The following HIVEP2 variants were observed in gnomAD, a reference collection of about 807,000 sequenced individuals.
HIVEP2 encodes the protein HIVEP zinc finger 2, also known as transcription factor HIVEP2.
A neutral mutation model predicts 180.7 loss-of-function variants in HIVEP2; 14 were observed. That is an observed-to-expected ratio of 0.08 (90% confidence interval 0.05 to 0.12). The LOEUF (loss-of-function observed/expected upper bound fraction) is 0.12, where lower values mean the gene tolerates loss of function less well. Among genes scored for constraint, HIVEP2 ranks in the 10% least tolerant of loss-of-function variants. HIVEP2 has a pLI of 1.00. For missense variants in HIVEP2, 2,579 were observed against 3,008.5 expected (o/e 0.86, Z 3.34); for synonymous variants, 1,184 against 1,136.4 (o/e 1.04, Z -0.84).
At chr6:142,884,483 A>T (rs1776649464) in intron 1 of HIVEP2, among the ~76,000 whole-genome samples, 1 of 152,180 alleles carries the variant, frequency 6.6e-6, no homozygotes, top group South Asian at 2.1e-4. Context: ...GAACAAAATA[A>T]TCGCTGAAAA....
chr6:142,779,311 A>G (rs531426835), intron 3 of HIVEP2, among the ~76,000 whole-genome samples: 41 of 152,234 alleles, frequency 2.7e-4, no homozygotes, highest in African/African-American at 9.6e-4. Context: ...CAGAATATAT[A>G]ATTTTGCTCA....
chr6:142,800,692 G>A (rs1776382784), intron 2 of HIVEP2, among the ~76,000 whole-genome samples: 1 of 152,100 alleles, frequency 6.6e-6, no homozygotes, highest in Admixed American at 6.6e-5. Flanking sequence ...AGGAGAATTT[G>A]AGAGGCTTAG....
At position 142,801,341 on chromosome 6, in the gene HIVEP2, G is replaced by A. The variant is rs373969531; in HGVS notation, c.-527-17726C>T. Among the ~76,000 whole-genome samples the A allele has an allele frequency of 4.0e-3, 602 of 151,034 alleles. 2 individuals carry two copies. Among genetic ancestry groups the A allele is most frequent in the Non-Finnish European group, 6.3e-3 (429 of 67,736 alleles). ...GAAGAATTGCTTGAACCCAGGAGGC[G>A]GAGGTTGCAGTGAGCTGAGATGAGA... On this transcript the variant is annotated intron_variant, in intron 2 of 9. Coordinates refer to ENST00000367603, the MANE Select transcript of HIVEP2 (RefSeq NM_006734.4).
chr6:142,770,577 C>T lies in HIVEP2; in HGVS notation c.4162G>A (p.Gly1388Arg), dbSNP rs760172682. The change falls in exon 5 of 10, where the codon GGA becomes AGA. Residue 1388 changes from glycine (G) to arginine (R), a missense_variant. Physicochemically the swap from Gly to Arg is moderately radical, Grantham distance 125. Transcript: ENST00000367603. This position sits in a 1 kb window ranked among gnomAD's most constrained non-coding sequence, Gnocchi z 4.7. ...LVTNAAMQGI[G>R]FNIAQVLGQH... ...CCCAGCACCTGGGCAATGTTGAATC[C>T]TATCCCTTGCATGGCTGCGTTGGTG... 1.9e-6 allele frequency: 3 copies of T among 1,614,228 alleles called. No individual in the cohort carries two copies. Among genetic ancestry groups the T allele is most frequent in the South Asian group, 1.1e-5 (1 of 91,078 alleles).
chr6:142,773,994 G>T lies in HIVEP2; in HGVS notation c.745C>A (p.Pro249Thr), dbSNP rs1390661023. The change falls in exon 5 of 10, where the codon CCT (proline) becomes ACT (threonine). Residue 249 changes from proline (P) to threonine (T), a missense_variant. By Grantham distance (38) the Pro-to-Thr change is conservative. This residue lies in a region of HIVEP2 where 142 missense variants were observed against 135.2 expected (regional missense o/e 1.05). Coordinates refer to ENST00000367603, the MANE Select transcript of HIVEP2 (RefSeq NM_006734.4). Reference sequence around the variant, plus strand: ...TTAGATACAGCTGACTCTGTGAAAGGTACTAATCCTGCCTTAATTGCATGG... The same window carrying T: ...TTAGATACAGCTGACTCTGTGAAAGTTACTAATCCTGCCTTAATTGCATGG... Reference protein sequence around the residue: ...HAHAIKAGLVPFTESAVSKLD... With the variant: ...HAHAIKAGLVTFTESAVSKLD... 6.2e-7 allele frequency: 1 copy of T among 1,614,222 alleles called. No homozygotes were observed. Among genetic ancestry groups the T allele is most frequent in the Admixed American group, 1.7e-5 (1 of 60,034 alleles).
At chr6:142,876,310 C>T (rs1776435863) in intron 1 of HIVEP2, among the ~76,000 whole-genome samples, 1 of 152,130 alleles carries the variant, frequency 6.6e-6, no homozygotes, top group African/African-American at 2.4e-5. Context: ...CAATTTAAAA[C>T]AGGTCTCTGG....
At chr6:142,931,992 G>T (rs1055077077) in intron 1 of HIVEP2, among the ~76,000 whole-genome samples, 1 of 152,098 alleles carries the variant, frequency 6.6e-6, no homozygotes, top group Non-Finnish European at 1.5e-5. Flanking sequence ...TCCCATATTG[G>T]TGTGTGTGCC....
At chr6:142,762,363 A>G (rs1775265313) in intron 7 of HIVEP2, among the ~76,000 whole-genome samples, 1 of 152,088 alleles carries the variant, frequency 6.6e-6, no homozygotes, top group African/African-American at 2.4e-5. Context: ...TATAAATTAT[A>G]TATATAATTT....
chr6:142,825,275 C>T (rs926916218), intron 2 of HIVEP2, among the ~76,000 whole-genome samples: 1 of 135,364 alleles, frequency 7.4e-6, no homozygotes, highest in South Asian at 2.4e-4. Context: ...CAGACACATA[C>T]TAAAGTCCAA....
chr6:142,758,735 T>G (rs149036153), intron 9 of HIVEP2, among the ~76,000 whole-genome samples: 114 of 152,352 alleles, frequency 7.5e-4, no homozygotes, highest in Admixed American at 2.3e-3. Context: ...ACTGCTTAAA[T>G]GTAATCCATG....
chr6:142,862,381 T>C (rs1285838252), intron 1 of HIVEP2, among the ~76,000 whole-genome samples: 3 of 149,672 alleles, frequency 2.0e-5, no homozygotes, highest in Non-Finnish European at 4.4e-5. Flanking sequence ...ATATAATCGA[T>C]TACATGTATT....
At chr6:142,922,137 C>T (rs1357721668) in intron 1 of HIVEP2, among the ~76,000 whole-genome samples, 1 of 152,150 alleles carries the variant, frequency 6.6e-6, no homozygotes, top group Non-Finnish European at 1.5e-5. Context: ...GTCCTTTAAA[C>T]TTCAGCCATA....
intron 1 of HIVEP2, among the ~76,000 whole-genome samples, chr6:142,916,681 T>C (rs1777556146): frequency 6.6e-6 from 1 of 152,108 alleles, no homozygotes; most frequent in Admixed American, 6.5e-5. Context: ...ATTATAAGAG[T>C]AGGAAAGAAG....
intron 6 of HIVEP2, among the ~76,000 whole-genome samples, chr6:142,766,618 T>A (rs975317607): frequency 1.3e-5 from 2 of 152,194 alleles, no homozygotes; most frequent in African/African-American, 4.8e-5. Context: ...TATAATTTTA[T>A]TTTCAATGTC....
Position 142,811,798 on chromosome 6 carries a change from G to A in HIVEP2, c.-528+25137C>T, listed in dbSNP as rs906833416. Among the ~76,000 whole-genome samples, 4 of 152,210 alleles carry A rather than the reference G, an allele frequency of 2.6e-5. No individual in the cohort carries two copies. The South Asian group carries it at 6.2e-4, about 24-fold the overall frequency. The stretch of plus-strand genomic sequence containing the variant: ...AGTGCCTTTAATTCTTCAAACTAAC[G>A]GATATCATATCAATGAGTAAATAAA... On this transcript the variant is annotated intron_variant, in intron 2 of 9. Coordinates refer to ENST00000367603, the MANE Select transcript of HIVEP2 (RefSeq NM_006734.4).
rs35448483 is a variant in HIVEP2 at position 142,771,955 on chromosome 6, G to C, written c.2784C>G (p.Ser928=). 2.1e-4 allele frequency: 344 copies of C among 1,614,160 alleles called. 2 individuals are homozygous for C. The African/African-American group carries it at 3.5e-3, about 17-fold the overall frequency. ...GTGGCAACTTCTCCGCGGGGAGCTG[G>C]GAAAGGGTCTCACTTCTCTGGGGCC... ...FQWPQRSETL[S]QLPAEKLPPK... is the part of the protein sequence containing the mutation. The change falls in exon 5 of 10, where the codon TCC becomes TCG. Residue 928 remains serine, a synonymous_variant. Transcript: ENST00000367603. This position sits in a 1 kb window ranked among gnomAD's most constrained non-coding sequence, Gnocchi z 5.4.
chr6:142,800,822 T>C (rs758573715), intron 2 of HIVEP2, among the ~76,000 whole-genome samples: 7 of 152,162 alleles, frequency 4.6e-5, no homozygotes, highest in Non-Finnish European at 1.0e-4. Context: ...TGTCTCTCCC[T>C]AGGCTAATCC....
rs1218400352 is a variant in HIVEP2 at position 142,774,553 on chromosome 6, T to A, written c.186A>T (p.Gln62His). 1 of 1,614,182 alleles carries A rather than the reference T, an allele frequency of 6.2e-7. No homozygotes were observed. Among genetic ancestry groups the A allele is most frequent in the South Asian group, 1.1e-5 (1 of 91,088 alleles). Residue 62 changes from glutamine (Q) to histidine (H), a missense_variant, in exon 5 of 10, where the codon CAA becomes CAT. Coordinates refer to ENST00000367603, the MANE Select transcript of HIVEP2 (RefSeq NM_006734.4). This position sits in a 1 kb window ranked among gnomAD's most constrained non-coding sequence, Gnocchi z 5.1. ...AGGCCAGTTTCCCAGAACCAAACAG[T>A]TGTGCTGATGCTGTGTTTCCGATTT... ...PEQIGNTASA[Q>H]LFGSGKLASP...
Position 142,770,314 on chromosome 6 carries a change from A to G in HIVEP2, c.4425T>C (p.Ala1475=). ...MYGQIVEELS[A]VELTNSDIKK... Reference sequence around the variant, plus strand: ...TGATGTCTGAGTTGGTCAGCTCCACAGCACTAAGCTCCTCCACAATCTGTC... The same window carrying G: ...TGATGTCTGAGTTGGTCAGCTCCACGGCACTAAGCTCCTCCACAATCTGTC... Residue 1475 remains alanine, a synonymous_variant, in exon 5 of 10, where the codon GCT becomes GCC. Transcript: ENST00000367603. The surrounding 1 kb of genome is among the most constrained non-coding windows in gnomAD (Gnocchi z 4.7). 1 of 1,614,182 alleles carries G rather than the reference A, an allele frequency of 6.2e-7. No individual in the cohort carries two copies. Among genetic ancestry groups the G allele is most frequent in the Non-Finnish European group, 8.5e-7 (1 of 1,180,040 alleles).
Sources: gnomAD v4.1 joint callset for allele counts (sites outside exome capture counted in the v4.1 genomes callset) on GRCh38, gnomAD v4.1.1 for gene constraint, gnomAD v4.1.1 regional missense constraint, Gnocchi (gnomAD v3.1) non-coding constraint, MANE v1.5 for transcripts, NCBI Gene and HGNC (gene_info 2026-07-23, HGNC 2026-07-21) for gene names.